The following CCDC7 variants were observed in gnomAD, a reference collection of about 807,000 sequenced individuals.
CCDC7 encodes the protein coiled-coil domain-containing protein 7.
Under a neutral mutation model 196.9 loss-of-function variants are expected in CCDC7, and 183 were observed. The observed-to-expected ratio is 0.93, with a 90% CI of 0.82 to 1.05. The LOEUF (loss-of-function observed/expected upper bound fraction) is 1.05, where lower values mean the gene tolerates loss of function less well. Ranked by LOEUF, CCDC7 falls within the 50% of genes least tolerant of loss-of-function variation. The pLI is 0.00. For synonymous variants in CCDC7, 525 were observed against 484.6 expected (o/e 1.08, Z -1.10); for missense variants, 1,540 against 1,482.2 (o/e 1.04, Z -0.64).
chr10:32,624,322 C>T (rs2063734915), intron 18 of CCDC7, among the ~76,000 whole-genome samples: 1 of 152,142 alleles, frequency 6.6e-6, no homozygotes. Flanking sequence ...ATCACATTCT[C>T]ATTCTCTCCA....
chr10:32,555,584 A>G (rs1243710129), intron 13 of CCDC7, among the ~76,000 whole-genome samples: 1 of 152,190 alleles, frequency 6.6e-6, no homozygotes, highest in East Asian at 1.9e-4. Context: ...TCTGTAAGGA[A>G]GTCATAAGGC....
At chr10:32,850,860 C>G (rs2093537366) in intron 39 of CCDC7, among the ~76,000 whole-genome samples, 1 of 151,192 alleles carries the variant, frequency 6.6e-6, no homozygotes, top group South Asian at 2.1e-4. Flanking sequence ...GGACAGACCA[C>G]AGAAGACACT....
chr10:32,829,230 C>G (rs892496226), intron 32 of CCDC7, among the ~76,000 whole-genome samples: 1 of 152,120 alleles, frequency 6.6e-6, no homozygotes, highest in African/African-American at 2.4e-5. Context: ...ATAGCACAGA[C>G]CCTTCAGGAA....
intron 11 of CCDC7, among the ~76,000 whole-genome samples, chr10:32,528,655 TATATATACACACACATATATATATGC>T (rs1309903047): frequency 6.8e-6 from 1 of 147,356 alleles, no homozygotes; most frequent in Non-Finnish European, 1.5e-5. Flanking sequence ...TGTGTGTATA[TATATATACACACACATATATATATGC>T]ATATATATAC....
chr10:32,626,794 A>G (rs1363532793), intron 18 of CCDC7, among the ~76,000 whole-genome samples: 2 of 151,980 alleles, frequency 1.3e-5, no homozygotes, highest in African/African-American at 2.4e-5. Flanking sequence ...TCCTAACACT[A>G]TTCATTGAAG....
intron 21 of CCDC7, among the ~76,000 whole-genome samples, chr10:32,679,427 C>A (rs922742627): frequency 6.6e-6 from 1 of 152,114 alleles, no homozygotes; most frequent in African/African-American, 2.4e-5. Context: ...TCCAGGCCAT[C>A]CTCCTGATTG....
intron 20 of CCDC7, among the ~76,000 whole-genome samples, chr10:32,646,442 A>G (rs1169709812): frequency 6.6e-6 from 1 of 152,160 alleles, no homozygotes; most frequent in African/African-American, 2.4e-5. Context: ...TTTGTCGCCT[A>G]ATATATGGTC....
At chr10:32,686,863 T>G (rs1294261695) in intron 22 of CCDC7, among the ~76,000 whole-genome samples, 1 of 152,202 alleles carries the variant, frequency 6.6e-6, no homozygotes, top group Non-Finnish European at 1.5e-5. Flanking sequence ...TGGACTTGCC[T>G]GGGCCTACCA....
intron 18 of CCDC7, among the ~76,000 whole-genome samples, chr10:32,629,416 G>A (rs972833923): frequency 6.6e-6 from 1 of 152,078 alleles, no homozygotes; most frequent in African/African-American, 2.4e-5. Context: ...GGAGTTCAGA[G>A]CTGTGTCAGC....
intron 29 of CCDC7, among the ~76,000 whole-genome samples, chr10:32,792,813 A>T (rs1439161201): frequency 6.6e-6 from 1 of 152,200 alleles, no homozygotes; most frequent in Non-Finnish European, 1.5e-5. Flanking sequence ...TAGATGTTTT[A>T]TGTAAGCCAC....
chr10:32,641,355 T>G (rs1034655014), intron 20 of CCDC7, among the ~76,000 whole-genome samples: 1 of 152,222 alleles, frequency 6.6e-6, no homozygotes, highest in African/African-American at 2.4e-5. Flanking sequence ...TCGTTTCTTT[T>G]TATTGTTTTT....
intron 20 of CCDC7, among the ~76,000 whole-genome samples, chr10:32,644,589 A>G (rs2067422473): frequency 6.6e-6 from 1 of 152,148 alleles, no homozygotes; most frequent in African/African-American, 2.4e-5. Flanking sequence ...CTCTTCTTGA[A>G]TTGTACTCCT....
exon 35 of CCDC7, chr10:32,845,555 A>T: frequency 6.2e-7 from 1 of 1,610,838 alleles, no homozygotes; most frequent in South Asian, 1.1e-5. Flanking sequence ...ACTGATAAGA[A>T]CTTCTTTGCC....
chr10:32,667,850 A>G (rs923266480), intron 21 of CCDC7, among the ~76,000 whole-genome samples: 6 of 152,016 alleles, frequency 3.9e-5, no homozygotes, highest in South Asian at 2.1e-4. Context: ...TTGGCAATGC[A>G]GGCTCTTTTT....
intron 15 of CCDC7, among the ~76,000 whole-genome samples, chr10:32,570,257 C>G (rs1350498044): frequency 1.3e-5 from 2 of 152,132 alleles, no homozygotes; most frequent in Non-Finnish European, 2.9e-5. Flanking sequence ...GTTATTTCTT[C>G]TTTTCCTTTG....
At chr10:32,483,117 A>C (rs2040304445) in intron 8 of CCDC7, among the ~76,000 whole-genome samples, 1 of 152,316 alleles carries the variant, frequency 6.6e-6, no homozygotes, top group Non-Finnish European at 1.5e-5. Context: ...TCCCACCAAC[A>C]GTGTAAAAGT....
In CCDC7 at chr10:32,602,847, C is replaced by T. The variant is rs568934127; in HGVS notation, c.1801+18543C>T. On this transcript the variant is annotated intron_variant, in intron 18 of 41. Transcript: ENST00000639629. Reference sequence around the variant, plus strand: ...ATGTTTTTGATGCATAATATTTGTACATACTTATAGGCACATGTGACATTT... The same window carrying T: ...ATGTTTTTGATGCATAATATTTGTATATACTTATAGGCACATGTGACATTT... Among the ~76,000 whole-genome samples the T allele has an allele frequency of 1.9e-4, 29 of 152,142 alleles. No homozygotes were observed. In the South Asian group the frequency reaches 4.1e-3, roughly 22 times the overall value.
intron 22 of CCDC7, among the ~76,000 whole-genome samples, chr10:32,687,398 G>A (rs1030139030): frequency 4.6e-5 from 7 of 152,168 alleles, no homozygotes; most frequent in Admixed American, 3.3e-4. Context: ...TAGGGCTTGA[G>A]GCTGATGTGA....
At chr10:32,879,640 G>A (rs1218501280), downstream of CCDC7, among the ~76,000 whole-genome samples, 1 of 151,934 alleles carries the variant, frequency 6.6e-6, no homozygotes, top group Non-Finnish European at 1.5e-5. Context: ...TTTGGAATGA[G>A]GAAAATACCT....
Sources: gnomAD v4.1 joint callset for allele counts (sites outside exome capture counted in the v4.1 genomes callset) on GRCh38, gnomAD v4.1.1 for gene constraint, MANE v1.5 for transcripts, NCBI Gene and HGNC (gene_info 2026-07-23, HGNC 2026-07-21) for gene names.